Variants in ASAP2 observed in about 807,000 individuals in gnomAD.
ASAP2 encodes arf-GAP with SH3 domain, ANK repeat and PH domain-containing protein 2.
A neutral mutation model predicts 131.4 loss-of-function variants in ASAP2; 45 were observed. The observed-to-expected ratio is 0.34, with a 90% confidence interval of 0.27 to 0.44. The LOEUF (loss-of-function observed/expected upper bound fraction) is 0.44. ASAP2 is among the 20% of genes least tolerant of loss of function. The probability of loss-of-function intolerance (pLI) is 1.00; values close to 1 mark genes in which losing one functional copy is unlikely to be tolerated. For missense variants in ASAP2, 1,011 were observed against 1,297.0 expected (o/e 0.78, Z 3.39); for synonymous variants, 510 against 503.0 (o/e 1.01, Z -0.19).
intron 1 of ASAP2, among the ~76,000 whole-genome samples, chr2:9,218,971 G>A (rs1662237965): frequency 6.6e-6 from 1 of 152,228 alleles, no homozygotes; most frequent in Non-Finnish European, 1.5e-5. Flanking sequence ...CCCAATGGGT[G>A]CCTTGCTGGT....
Position 9,350,805 on chromosome 2 carries a change from C to T in ASAP2, c.1024-3C>T. On this transcript the variant is annotated splice_region_variant and splice_polypyrimidine_tract_variant and intron_variant, in intron 11 of 27. Transcript: ENST00000281419. ...TTTTTTGTTGTTTTTTGCTTTTAAA[C>T]AGGCTAACCGGCCTCCTGCAAAGCT... 6.2e-7 allele frequency: 1 copy of T among 1,611,736 alleles called. No individual in the cohort carries two copies. Among genetic ancestry groups the T allele is most frequent in the Non-Finnish European group, 8.5e-7 (1 of 1,178,874 alleles).
chr2:9,317,133 A>ACT (rs1553311235), intron 3 of ASAP2, among the ~76,000 whole-genome samples: 103,850 of 147,850 alleles, frequency 0.7, 36,910 homozygotes, highest in East Asian at 0.93. Flanking sequence ...ACCACACAAC[A>ACT]CACATCCCAA....
intron 25 of ASAP2, 23 bp from the exon 26 acceptor site, chr2:9,400,719 G>C (rs752375931): frequency 1.3e-6 from 2 of 1,590,130 alleles, no homozygotes; most frequent in East Asian, 4.5e-5. Flanking sequence ...GATGTCTTAA[G>C]CTGCTTCATT....
chr2:9,332,816 G>T (rs563592018), intron 7 of ASAP2, among the ~76,000 whole-genome samples: 12 of 152,106 alleles, frequency 7.9e-5, no homozygotes, highest in Admixed American at 7.9e-4. Context: ...AGAAAAACAC[G>T]TAAATAAAAT....
chr2:9,215,844 C>T (rs916685961), intron 1 of ASAP2, among the ~76,000 whole-genome samples: 1 of 152,142 alleles, frequency 6.6e-6, no homozygotes, highest in Non-Finnish European at 1.5e-5. Flanking sequence ...TTTAGAAGCG[C>T]TCTTGGCGGG....
At chr2:9,256,928 C>T (rs1209107701) in intron 1 of ASAP2, among the ~76,000 whole-genome samples, 1 of 152,236 alleles carries the variant, frequency 6.6e-6, no homozygotes, top group African/African-American at 2.4e-5. Flanking sequence ...CCTCCTGCTG[C>T]AGCCAAGGGC....
intron 9 of ASAP2, among the ~76,000 whole-genome samples, chr2:9,336,428 GC>G (rs1671207273): frequency 6.6e-6 from 1 of 152,126 alleles, no homozygotes; most frequent in South Asian, 2.1e-4. Flanking sequence ...CTGTTTGAAT[GC>G]CCCATTTGAA....
intron 11 of ASAP2, among the ~76,000 whole-genome samples, chr2:9,346,795 T>C (rs1671996053): frequency 6.6e-6 from 1 of 152,238 alleles, no homozygotes; most frequent in Admixed American, 6.5e-5. Context: ...AGTGGCTCTT[T>C]CCATGGCAGC....
chr2:9,275,615 G>A (rs541074621), intron 1 of ASAP2, among the ~76,000 whole-genome samples: 20 of 152,270 alleles, frequency 1.3e-4, no homozygotes, highest in African/African-American at 4.8e-4. Flanking sequence ...CTTCCTGCCT[G>A]CCCTGATCCA....
At chr2:9,340,223 A>G (rs768943718) in intron 9 of ASAP2, among the ~76,000 whole-genome samples, 27 of 152,146 alleles carry the variant, frequency 1.8e-4, no homozygotes, top group Non-Finnish European at 3.5e-4. Flanking sequence ...GGGTTTCACC[A>G]TGTTGGCCAG....
chr2:9,251,906 G>A (rs1572255777), intron 1 of ASAP2, among the ~76,000 whole-genome samples: 1 of 151,874 alleles, frequency 6.6e-6, no homozygotes, highest in East Asian at 1.9e-4. Context: ...TGAGAAGCCT[G>A]TGCCCACATT....
At chr2:9,380,533 T>G (rs986989805) in intron 19 of ASAP2, among the ~76,000 whole-genome samples, 8 of 152,358 alleles carry the variant, frequency 5.3e-5, no homozygotes, top group South Asian at 4.1e-4. Flanking sequence ...ACTTCATCTT[T>G]TAAAGTTTTA....
At chr2:9,363,203 G>T (rs1673222730) in intron 15 of ASAP2, among the ~76,000 whole-genome samples, 1 of 152,074 alleles carries the variant, frequency 6.6e-6, no homozygotes, top group African/African-American at 2.4e-5. Flanking sequence ...TCCATTGGTG[G>T]CATTTAGGTT....
chr2:9,327,072 A>G (rs2148528015), intron 6 of ASAP2, among the ~76,000 whole-genome samples: 1 of 152,182 alleles, frequency 6.6e-6, no homozygotes, highest in East Asian at 1.9e-4. Context: ...GCAGCTTTCC[A>G]CCTCCTCCTT....
In ASAP2 at chr2:9,281,203, T is replaced by G. The variant is rs1291687082; in HGVS notation, c.199+1814T>G. Among the ~76,000 whole-genome samples the G allele has an allele frequency of 6.6e-6, 1 of 152,186 alleles. No homozygotes were observed. Among genetic ancestry groups the G allele is most frequent in the African/African-American group, 2.4e-5 (1 of 41,432 alleles). On this transcript the variant is annotated intron_variant, in intron 2 of 27. Transcript: ENST00000281419. This position sits in a 1 kb window ranked among gnomAD's most constrained non-coding sequence, Gnocchi z 4.0. ...TTATAACTTGAGGGATATTTGATAT[T>G]CTGGTCAGACTCAAAAATGATTTTA...
intron 15 of ASAP2, among the ~76,000 whole-genome samples, chr2:9,365,222 T>C (rs1227007421): frequency 6.6e-6 from 1 of 152,240 alleles, no homozygotes; most frequent in Non-Finnish European, 1.5e-5. Context: ...GGCAGCAGTT[T>C]GGTCAAGCCC....
chr2:9,323,241 G>A lies in ASAP2; in HGVS notation c.591G>A (p.Gln197=). Residue 197 remains glutamine, a synonymous_variant, in exon 6 of 28, where the codon CAG becomes CAA. Coordinates refer to ENST00000281419, the MANE Select transcript of ASAP2 (RefSeq NM_003887.3). ...AGGAGAGGCGCTTCTTCCAGCTACAGATGTGCGAGGTAAGGCGGTGGTGAA... is the reference window on the plus strand; with the variant it reads ...AGGAGAGGCGCTTCTTCCAGCTACAAATGTGCGAGGTAAGGCGGTGGTGAA... ...MEKERRFFQL[Q]MCEYLLKVNE... is the part of the protein sequence containing the mutation. 6.2e-7 allele frequency: 1 copy of A among 1,614,222 alleles called. No homozygotes were observed. The highest frequency in any genetic ancestry group is 2.2e-5 in the East Asian group (1 of 44,876).
chr2:9,350,776 A>G, intron 11 of ASAP2, 32 bp from the exon 12 acceptor site: 1 of 1,594,364 alleles, frequency 6.3e-7, no homozygotes, highest in Non-Finnish European at 8.6e-7. Flanking sequence ...ACCCAACCCC[A>G]ACCTTTTTTG....
At chr2:9,382,346 G>T (rs1304785756) in intron 20 of ASAP2, among the ~76,000 whole-genome samples, 1 of 152,184 alleles carries the variant, frequency 6.6e-6, no homozygotes, top group Non-Finnish European at 1.5e-5. Flanking sequence ...TCATTTTACA[G>T]ATGAGGACAC....
Sources: allele counts gnomAD v4.1 joint callset (sites outside exome capture counted in the v4.1 genomes callset), GRCh38; gene constraint gnomAD v4.1.1; non-coding constraint Gnocchi (gnomAD v3.1); transcripts MANE v1.5; gene names NCBI Gene and HGNC (gene_info 2026-07-23, HGNC 2026-07-21).